Variants in FUT9 observed in about 807,000 individuals in gnomAD.
FUT9 encodes 4-galactosyl-N-acetylglucosaminide 3-alpha-L-fucosyltransferase 9.
Under a neutral mutation model 29.7 loss-of-function variants are expected in FUT9, and 15 were observed. The ratio of observed to expected loss-of-function variants is 0.51; its 90% CI spans 0.34 to 0.78. FUT9 has a LOEUF of 0.78. Among genes scored for constraint, FUT9 ranks in the 30% least tolerant of loss-of-function variants. FUT9 has a pLI of 0.01. For missense variants in FUT9, 319 were observed against 425.4 expected (o/e 0.75, Z 2.20); for synonymous variants, 169 against 153.7 (o/e 1.10, Z -0.74).
At chr6:96,160,795 C>A (rs2127979809) in intron 2 of FUT9, among the ~76,000 whole-genome samples, 1 of 152,114 alleles carries the variant, frequency 6.6e-6, no homozygotes, top group Non-Finnish European at 1.5e-5. Flanking sequence ...AATCTTTTTA[C>A]AAAGCAAAAT....
At chr6:96,104,777 G>A (rs1394232614) in intron 1 of FUT9, among the ~76,000 whole-genome samples, 1 of 152,040 alleles carries the variant, frequency 6.6e-6, no homozygotes, top group Non-Finnish European at 1.5e-5. Context: ...TGATCTACCC[G>A]CCTCAGCCTC....
intron 2 of FUT9, among the ~76,000 whole-genome samples, chr6:96,143,539 T>G (rs35305649): frequency 2.6e-3 from 399 of 152,066 alleles, no homozygotes; most frequent in Non-Finnish European, 3.8e-3. Context: ...CTCTCTCTCC[T>G]TTCCTCCCAT....
chr6:96,115,471 G>T (rs1253955686), intron 2 of FUT9, among the ~76,000 whole-genome samples: 1 of 152,294 alleles, frequency 6.6e-6, no homozygotes, highest in African/African-American at 2.4e-5. Flanking sequence ...TGGAAAAGTA[G>T]ATTCACAAAC....
rs188991778 is a variant in FUT9, at chr6:96,179,153, G to A, written c.-8-23995G>A. Among the ~76,000 whole-genome samples, 497 of 152,054 alleles carry A rather than the reference G, an allele frequency of 3.3e-3. 4 individuals carry two copies. Among genetic ancestry groups the A allele is most frequent in the Non-Finnish European group, 4.8e-3 (324 of 67,984 alleles). ...TATTGTATATGACCATAGAAGATTC[G>A]TCCTTCTTCATTCCAAACAAACCAA... On this transcript the variant is annotated intron_variant, in intron 2 of 2. Transcript: ENST00000302103.
At chr6:96,126,199 A>G (rs1029324874) in intron 2 of FUT9, among the ~76,000 whole-genome samples, 3 of 152,194 alleles carry the variant, frequency 2.0e-5, no homozygotes, top group South Asian at 2.1e-4. Flanking sequence ...AAAGAAATTT[A>G]TGGTACGGCA....
chr6:96,160,910 C>A (rs4576253), intron 2 of FUT9, among the ~76,000 whole-genome samples: 1 of 151,852 alleles, frequency 6.6e-6, no homozygotes, highest in African/African-American at 2.4e-5. Context: ...GTATGGGTGA[C>A]GGACAGAAAT....
At chr6:96,142,968 C>A (rs1436802812) in intron 2 of FUT9, among the ~76,000 whole-genome samples, 3 of 152,066 alleles carry the variant, frequency 2.0e-5, no homozygotes, top group African/African-American at 7.2e-5. Context: ...TCATGGGTAT[C>A]TTCATAAAAG....
At chr6:96,106,213 C>CCCTTCCTT (rs58462407) in intron 1 of FUT9, among the ~76,000 whole-genome samples, 1,797 of 137,228 alleles carry the variant, frequency 0.013, 37 homozygotes, top group South Asian at 0.038. Flanking sequence ...AATCCATCAA[C>CCCTTCCTT]CCTTCCTTCC....
intron 1 of FUT9, among the ~76,000 whole-genome samples, chr6:96,033,482 T>G (rs775638790): frequency 6.6e-6 from 1 of 151,616 alleles, no homozygotes; most frequent in Non-Finnish European, 1.5e-5. Flanking sequence ...TGACTCCACA[T>G]TCAATTGAAA....
intron 2 of FUT9, among the ~76,000 whole-genome samples, chr6:96,174,023 T>C (rs1017229370): frequency 2.0e-5 from 3 of 152,132 alleles, no homozygotes; most frequent in Non-Finnish European, 2.9e-5. Context: ...ACAAGAAGTA[T>C]TTAGGACTTC....
At chr6:96,035,407 C>T (rs1368907657) in intron 1 of FUT9, among the ~76,000 whole-genome samples, 1 of 151,226 alleles carries the variant, frequency 6.6e-6, no homozygotes, top group East Asian at 1.9e-4. Context: ...ACTTGAATTT[C>T]ACACTCTTCA....
intron 2 of FUT9, among the ~76,000 whole-genome samples, chr6:96,121,180 T>C (rs1772020808): frequency 6.6e-6 from 1 of 152,150 alleles, no homozygotes; most frequent in Non-Finnish European, 1.5e-5. Flanking sequence ...AAAATCAATG[T>C]CTATGGAAGA....
chr6:96,048,792 A>C (rs1252260466), intron 1 of FUT9, among the ~76,000 whole-genome samples: 3 of 152,092 alleles, frequency 2.0e-5, no homozygotes, highest in African/African-American at 2.4e-5. Flanking sequence ...GGGGGAACTG[A>C]CCAAGTACAA....
At chr6:96,189,729 C>T (rs1773470926) in intron 2 of FUT9, among the ~76,000 whole-genome samples, 1 of 151,904 alleles carries the variant, frequency 6.6e-6, no homozygotes. Context: ...GGATTGCAAC[C>T]CCTGCCTTTT....
rs556161945 is a variant in FUT9, at chr6:96,150,260, T to C, written c.-9+36133T>C. ...GAAGGAGTGATTCCAGCTGGAGCAA[T>C]TAGGAATCAGGGAAGTCATTGTAAA... On this transcript the variant is annotated intron_variant, in intron 2 of 2. Coordinates refer to ENST00000302103, the MANE Select transcript of FUT9 (RefSeq NM_006581.4). Among the ~76,000 whole-genome samples the C allele has an allele frequency of 2.6e-5, 4 of 152,210 alleles. No individual in the cohort carries two copies. The South Asian group carries it at 8.3e-4, about 32-fold the overall frequency.
intron 2 of FUT9, among the ~76,000 whole-genome samples, chr6:96,193,624 C>T (rs1203352619): frequency 1.3e-5 from 2 of 151,954 alleles, no homozygotes; most frequent in African/African-American, 2.4e-5. Context: ...ACTAGTTCAA[C>T]CGTTGTGGAA....
intron 1 of FUT9, among the ~76,000 whole-genome samples, chr6:96,083,307 A>G (rs1455653501): frequency 6.6e-6 from 1 of 152,100 alleles, no homozygotes. Flanking sequence ...TTTCTCACAA[A>G]TAGATAGATT....
chr6:96,119,920 C>A (rs575481498), intron 2 of FUT9, among the ~76,000 whole-genome samples: 2 of 152,092 alleles, frequency 1.3e-5, no homozygotes, highest in African/African-American at 2.4e-5. Flanking sequence ...GGGTTATTAA[C>A]AATAAAAGAA....
intron 2 of FUT9, among the ~76,000 whole-genome samples, chr6:96,129,963 A>C (rs1333618931): frequency 6.6e-6 from 1 of 152,070 alleles, no homozygotes; most frequent in Admixed American, 6.6e-5. Flanking sequence ...ATTTCAAAAA[A>C]ATTAATTTTA....
Sources: gnomAD v4.1 joint callset for allele counts (sites outside exome capture counted in the v4.1 genomes callset) on GRCh38, gnomAD v4.1.1 for gene constraint, MANE v1.5 for transcripts, NCBI Gene and HGNC (gene_info 2026-07-23, HGNC 2026-07-21) for gene names.